The following IP6K1 variants were observed in gnomAD, a reference collection of about 807,000 sequenced individuals.
IP6K1 encodes inositol hexakisphosphate kinase 1.
Under a neutral mutation model 38.3 loss-of-function variants are expected in IP6K1, and 13 were observed. The ratio of observed to expected loss-of-function variants is 0.34; its 90% CI spans 0.22 to 0.54. The LOEUF (loss-of-function observed/expected upper bound fraction) is 0.54, where lower values mean the gene tolerates loss of function less well. IP6K1 is among the 20% of genes least tolerant of loss of function. IP6K1 has a pLI of 0.92. For missense variants in IP6K1, 397 were observed against 599.8 expected (o/e 0.66, Z 3.53); for synonymous variants, 212 against 229.9 (o/e 0.92, Z 0.70).
intron 1 of IP6K1, among the ~76,000 whole-genome samples, chr3:49,759,331 G>C (rs1040157506): frequency 4.6e-5 from 7 of 152,296 alleles, no homozygotes; most frequent in African/African-American, 1.2e-4. Flanking sequence ...GCTGCAGTTA[G>C]AGACTAAGGC....
intron 1 of IP6K1, among the ~76,000 whole-genome samples, chr3:49,766,125 G>A (rs545919165): frequency 4.6e-5 from 7 of 152,010 alleles, no homozygotes; most frequent in South Asian, 2.1e-4. Context: ...GCCGTGAGCC[G>A]AGATTGCACC....
chr3:49,732,973 C>A lies in IP6K1; in HGVS notation c.435-1G>T. ...CTTCGGACTCTTTGCCTCCTGTGAGCTAAGAAGGAAGAACATACACATCAC... is the reference window on the plus strand; with the variant it reads ...CTTCGGACTCTTTGCCTCCTGTGAGATAAGAAGGAAGAACATACACATCAC... On this transcript the variant is annotated splice_acceptor_variant, in intron 3 of 5. Transcript: ENST00000321599. LOFTEE classifies it high-confidence loss of function. 6.2e-7 allele frequency: 1 copy of A among 1,610,446 alleles called. No homozygotes were observed. The highest frequency in any genetic ancestry group is 8.5e-7 in the Non-Finnish European group (1 of 1,177,402).
At chr3:49,775,531 G>T in intron 1 of IP6K1, 2 of 1,033,622 alleles carry the variant, frequency 1.9e-6, no homozygotes, top group Non-Finnish European at 1.4e-6. Context: ...GATAGAGATG[G>T]CTGCCCAAAG....
intron 2 of IP6K1, among the ~76,000 whole-genome samples, chr3:49,747,502 G>A (rs1381801918): frequency 6.6e-6 from 1 of 152,128 alleles, no homozygotes; most frequent in African/African-American, 2.4e-5. Flanking sequence ...TCCGGGACGA[G>A]AGAAATGTTC....
intron 1 of IP6K1, among the ~76,000 whole-genome samples, chr3:49,757,441 C>T (rs1488878714): frequency 6.6e-6 from 1 of 152,136 alleles, no homozygotes; most frequent in African/African-American, 2.4e-5. Context: ...TCTACTATCT[C>T]TGCTAGGCAG....
intron 4 of IP6K1, among the ~76,000 whole-genome samples, chr3:49,731,779 T>C (rs2080563590): frequency 6.7e-6 from 1 of 150,332 alleles, no homozygotes; most frequent in Non-Finnish European, 1.5e-5. Flanking sequence ...TCCCAGCTAC[T>C]GGGGTGGCTA....
intron 1 of IP6K1, among the ~76,000 whole-genome samples, chr3:49,771,342 A>C (rs2080957781): frequency 6.6e-6 from 1 of 152,066 alleles, no homozygotes. Context: ...TAAAAGATAC[A>C]TTTCTTTAAA....
intron 1 of IP6K1, among the ~76,000 whole-genome samples, chr3:49,780,309 T>TACACACACACACACACACACACACAC (rs71080553): frequency 0.088 from 10,340 of 117,372 alleles, 1,185 homozygotes; most frequent in Admixed American, 0.12. Flanking sequence ...TCATCTTTCA[T>TACACACACACACACACACACACACAC]ACACACACAC....
At chr3:49,763,408 G>T (rs1386507016) in intron 1 of IP6K1, among the ~76,000 whole-genome samples, 3 of 151,660 alleles carry the variant, frequency 2.0e-5, no homozygotes, top group Non-Finnish European at 4.4e-5. Context: ...CCCGGCCAAG[G>T]TCAATTATTT....
At chr3:49,761,109 A>G (rs1173599779) in intron 1 of IP6K1, among the ~76,000 whole-genome samples, 1 of 150,902 alleles carries the variant, frequency 6.6e-6, no homozygotes, top group Non-Finnish European at 1.5e-5. Context: ...AGGTCAAGAG[A>G]TCGAGACCAT....
In IP6K1 at chr3:49,770,576, T is replaced by C. The variant is rs965144159; in HGVS notation, c.-129+15778A>G. Among the ~76,000 whole-genome samples, 8 of 152,096 alleles carry C rather than the reference T, an allele frequency of 5.3e-5. No individual in the cohort carries two copies. In the Middle Eastern group the frequency reaches 0.017, roughly 323 times the overall value. On this transcript the variant is annotated intron_variant, in intron 1 of 5. Coordinates refer to ENST00000321599, the MANE Select transcript of IP6K1 (RefSeq NM_153273.4). Reference sequence around the variant, plus strand: ...GGGAGAATGGCTTGAGCCCAGGAAGTGGAGGGTGTAGTGAGCGGAGATCAT... The same window carrying C: ...GGGAGAATGGCTTGAGCCCAGGAAGCGGAGGGTGTAGTGAGCGGAGATCAT...
intron 1 of IP6K1, among the ~76,000 whole-genome samples, chr3:49,776,844 C>T (rs1427889686): frequency 3.3e-5 from 5 of 152,172 alleles, no homozygotes; most frequent in East Asian, 1.9e-4. Context: ...CAAATTTAAT[C>T]TACAGTGATA....
At chr3:49,728,018 C>T in intron 5 of IP6K1, 85 bp downstream of exon 5, 2 of 1,385,484 alleles carry the variant, frequency 1.4e-6, no homozygotes, top group Non-Finnish European at 2.0e-6. Context: ...CAGGAGGACA[C>T]ACTTGGCATA....
intron 1 of IP6K1, among the ~76,000 whole-genome samples, chr3:49,759,506 A>G (rs2080850690): frequency 6.6e-6 from 1 of 152,188 alleles, no homozygotes; most frequent in African/African-American, 2.4e-5. Context: ...GCCAAACAGC[A>G]TATTTCTTAT....
At chr3:49,772,224 A>AATATAT (rs368746245) in intron 1 of IP6K1, among the ~76,000 whole-genome samples, 8 of 142,970 alleles carry the variant, frequency 5.6e-5, no homozygotes, top group African/African-American at 2.1e-4. Context: ...TAAAAAAAAA[A>AATATAT]ATATATATAT....
chr3:49,726,586 T>C lies in IP6K1; in HGVS notation c.*536A>G, dbSNP rs1168936189. 1 of 154,612 alleles carries C rather than the reference T, an allele frequency of 6.5e-6. No individual in the cohort carries two copies. Among genetic ancestry groups the C allele is most frequent in the African/African-American group, 2.4e-5 (1 of 41,526 alleles). 9.6% of individuals were successfully genotyped at this position (154,612 alleles called of 1,614,324 possible). On this transcript the variant is annotated 3_prime_UTR_variant, in exon 6 of 6. Coordinates refer to ENST00000321599, the MANE Select transcript of IP6K1 (RefSeq NM_153273.4). ...TGCTAAGGTCAGACCGAAGGATGGG[T>C]CCAGCTTTGTGCAGTCAGCCCTGTG...
chr3:49,766,958 C>CAAAA (rs144308874), intron 1 of IP6K1, among the ~76,000 whole-genome samples: 295 of 55,372 alleles, frequency 5.3e-3, no homozygotes, highest in Non-Finnish European at 6.3e-3. Context: ...GACTCCGTCT[C>CAAAA]AAAAAAAAAA....
At chr3:49,767,151 C>T (rs2080919285) in intron 1 of IP6K1, among the ~76,000 whole-genome samples, 1 of 151,422 alleles carries the variant, frequency 6.6e-6, no homozygotes, top group Non-Finnish European at 1.5e-5. Flanking sequence ...TGGCTCATAC[C>T]AGTAGTCTCG....
intron 4 of IP6K1, among the ~76,000 whole-genome samples, chr3:49,729,782 T>C (rs2080547808): frequency 6.6e-6 from 1 of 152,040 alleles, no homozygotes. Flanking sequence ...CAGGCTGGAG[T>C]GCAGTGGCTG....
Sources: allele counts gnomAD v4.1 joint callset (sites outside exome capture counted in the v4.1 genomes callset), GRCh38; gene constraint gnomAD v4.1.1; transcripts MANE v1.5; gene names NCBI Gene and HGNC (gene_info 2026-07-23, HGNC 2026-07-21).